AGBL4: variants seen among roughly 807,000 people sequenced by gnomAD.
AGBL4 encodes the protein AGBL carboxypeptidase 4, also known as cytosolic carboxypeptidase 6.
A neutral mutation model predicts 66.4 loss-of-function variants in AGBL4; 58 were observed. The observed-to-expected ratio is 0.87, with a 90% CI of 0.71 to 1.09. The LOEUF is 1.09. Ranked by LOEUF, AGBL4 falls within the 50% of genes least tolerant of loss-of-function variation. The probability of loss-of-function intolerance (pLI) is 0.00; values close to 1 mark genes in which losing one functional copy is unlikely to be tolerated. For synonymous variants in AGBL4, 234 were observed against 222.9 expected (o/e 1.05, Z -0.44); for missense variants, 579 against 631.0 (o/e 0.92, Z 0.88).
Position 49,343,905 on chromosome 1 carries a change from G to T in AGBL4, c.283-98041C>A, listed in dbSNP as rs963785249. 2.6e-5 allele frequency among the ~76,000 whole-genome samples: 4 copies of T among 152,274 alleles called. No individual in the cohort carries two copies. The South Asian group carries it at 8.3e-4, about 32-fold the overall frequency. ...ACTTTAGTAATCTTTGAGAAATAAA[G>T]TTGTAAAGATTATTGATTAAAATGC... On this transcript the variant is annotated intron_variant, in intron 3 of 13. Coordinates refer to ENST00000371839, the MANE Select transcript of AGBL4 (RefSeq NM_032785.4).
chr1:48,563,940 T>C (rs1644434478), intron 11 of AGBL4, among the ~76,000 whole-genome samples: 1 of 152,212 alleles, frequency 6.6e-6, no homozygotes, highest in South Asian at 2.1e-4. Context: ...TTGATTTGTC[T>C]GTCGAAAGTC....
intron 1 of AGBL4, among the ~76,000 whole-genome samples, chr1:49,938,164 A>G (rs1654312086): frequency 6.6e-6 from 1 of 151,710 alleles, no homozygotes; most frequent in South Asian, 2.1e-4. Context: ...TAAAGGGGAT[A>G]TCACCACCAA....
intron 5 of AGBL4, among the ~76,000 whole-genome samples, chr1:49,006,391 T>C (rs564895324): frequency 2.1e-3 from 312 of 152,052 alleles, no homozygotes; most frequent in Non-Finnish European, 3.0e-3. Context: ...CACGGAGTCT[T>C]GCTGATTGCT....
At chr1:49,411,824 C>T (rs1420080748) in intron 3 of AGBL4, among the ~76,000 whole-genome samples, 3 of 152,122 alleles carry the variant, frequency 2.0e-5, no homozygotes, top group African/African-American at 4.8e-5. Flanking sequence ...ATATGGAAGG[C>T]AGACTAGAGG....
intron 3 of AGBL4, among the ~76,000 whole-genome samples, chr1:49,514,250 C>A (rs1649550981): frequency 6.6e-6 from 1 of 151,934 alleles, no homozygotes; most frequent in Admixed American, 6.6e-5. Context: ...GAACTTCCAA[C>A]ACTGTGTTGA....
At chr1:50,017,207 C>T (rs1049565712) in intron 1 of AGBL4, 3 of 151,392 alleles carry the variant, frequency 2.0e-5, no homozygotes, top group African/African-American at 4.9e-5. Flanking sequence ...GGACAATGAA[C>T]AATAATAAAT....
At chr1:48,620,235 T>C (rs1645389610) in intron 9 of AGBL4, among the ~76,000 whole-genome samples, 1 of 152,166 alleles carries the variant, frequency 6.6e-6, no homozygotes, top group Non-Finnish European at 1.5e-5. Flanking sequence ...AGCTAATGGC[T>C]CAAACTTGCT....
rs368492132 is a variant in AGBL4 at position 49,733,215 on chromosome 1, A to G, written c.158-35778T>C. Among the ~76,000 whole-genome samples the G allele has an allele frequency of 3.3e-4, 50 of 152,302 alleles. 1 individual carries two copies. The South Asian group carries it at 9.5e-3, about 29-fold the overall frequency. ...ATCCTTTTAAAAAAGAAGGAAAAGT[A>G]GAGACTTTCCAAGATTAAGACTGAG... On this transcript the variant is annotated intron_variant, in intron 2 of 13. Transcript: ENST00000371839.
At chr1:49,907,898 TG>T (rs1192655357) in intron 1 of AGBL4, among the ~76,000 whole-genome samples, 2 of 151,682 alleles carry the variant, frequency 1.3e-5, no homozygotes, top group African/African-American at 2.4e-5. Context: ...TATGTACATG[TG>T]GGGGTGGGGG....
chr1:50,018,332 A>G (rs2148448365), intron 1 of AGBL4, among the ~76,000 whole-genome samples: 1 of 152,280 alleles, frequency 6.6e-6, no homozygotes, highest in South Asian at 2.1e-4. Flanking sequence ...GGATCCCATT[A>G]AATAAATGAG....
chr1:49,047,114 A>G (rs572174292), intron 4 of AGBL4, among the ~76,000 whole-genome samples: 1 of 152,282 alleles, frequency 6.6e-6, no homozygotes, highest in South Asian at 2.1e-4. Flanking sequence ...TCTGAAGCTA[A>G]GTGGCCAGGG....
At chr1:49,761,283 T>C (rs1322772681) in intron 2 of AGBL4, among the ~76,000 whole-genome samples, 1 of 151,706 alleles carries the variant, frequency 6.6e-6, no homozygotes, top group Non-Finnish European at 1.5e-5. Flanking sequence ...TTATCTATTG[T>C]AAAAATAAAT....
chr1:49,721,170 G>T (rs1407303798), intron 2 of AGBL4, among the ~76,000 whole-genome samples: 2 of 152,030 alleles, frequency 1.3e-5, no homozygotes, highest in Non-Finnish European at 2.9e-5. Flanking sequence ...TGGCAGGGAG[G>T]ATTGAAAAAA....
At chr1:48,603,473 TA>T (rs1323047175) in intron 9 of AGBL4, among the ~76,000 whole-genome samples, 2 of 151,610 alleles carry the variant, frequency 1.3e-5, no homozygotes, top group Non-Finnish European at 2.9e-5. Flanking sequence ...CGTTTCAAAA[TA>T]AAATAAATTA....
rs1645621150 is a variant in AGBL4 at position 48,633,363 on chromosome 1, G to T, written c.951+1130C>A. On this transcript the variant is annotated intron_variant, in intron 9 of 13. Transcript: ENST00000371839. ...TCCTCAATGAGGGTAAGTAGAATGG[G>T]TTACATTGGTGCATCTCTGAAGTAC... 2.0e-5 allele frequency among the ~76,000 whole-genome samples: 3 copies of T among 152,154 alleles called. No individual in the cohort carries two copies. In the South Asian group the frequency reaches 6.2e-4, roughly 32 times the overall value.
chr1:48,543,340 G>A (rs1362090518), intron 11 of AGBL4, among the ~76,000 whole-genome samples: 3 of 152,038 alleles, frequency 2.0e-5, no homozygotes, highest in Admixed American at 1.3e-4. Context: ...GGGGCATTTC[G>A]GGGAGAAGAC....
intron 2 of AGBL4, among the ~76,000 whole-genome samples, chr1:49,734,217 C>T (rs963139126): frequency 3.3e-5 from 5 of 151,208 alleles, no homozygotes; most frequent in Non-Finnish European, 4.4e-5. Context: ...AGGAACAAAA[C>T]AAGAATGTTG....
intron 6 of AGBL4, among the ~76,000 whole-genome samples, chr1:48,852,820 G>A (rs1404891390): frequency 3.9e-5 from 6 of 152,118 alleles, no homozygotes; most frequent in Non-Finnish European, 8.8e-5. Flanking sequence ...CATATCTTGG[G>A]AAAAAGAAAA....
At chr1:49,733,396 C>T (rs1179465011) in intron 2 of AGBL4, among the ~76,000 whole-genome samples, 1 of 152,182 alleles carries the variant, frequency 6.6e-6, no homozygotes, top group Non-Finnish European at 1.5e-5. Flanking sequence ...CTCATTTCTA[C>T]TTTTCTCTAA....
Sources: gnomAD v4.1 joint callset for allele counts (sites outside exome capture counted in the v4.1 genomes callset) on GRCh38, gnomAD v4.1.1 for gene constraint, MANE v1.5 for transcripts, NCBI Gene and HGNC (gene_info 2026-07-23, HGNC 2026-07-21) for gene names.